The following DPP10 variants were observed in gnomAD, a reference collection of about 807,000 sequenced individuals.
DPP10 encodes dipeptidyl peptidase like 10, also known as inactive dipeptidyl peptidase 10.
In DPP10, 33 loss-of-function variants were observed where a neutral mutation model predicts 120.9. The observed-to-expected ratio is 0.27, with a 90% CI of 0.21 to 0.37. The LOEUF (loss-of-function observed/expected upper bound fraction) is 0.37. Ranked by LOEUF, DPP10 falls within the 10% of genes least tolerant of loss-of-function variation. The pLI is 1.00. For missense variants in DPP10, 816 were observed against 942.8 expected, an observed-to-expected ratio of 0.87 and a Z score of 1.76; for synonymous variants, 337 against 326.1, an observed-to-expected ratio of 1.03 and a Z score of -0.36.
intron 1 of DPP10, among the ~76,000 whole-genome samples, chr2:115,004,515 C>G (rs1016769596): frequency 6.6e-6 from 1 of 152,144 alleles, no homozygotes; most frequent in Non-Finnish European, 1.5e-5. Flanking sequence ...GTGCGTGCAC[C>G]GTGCGCGAGC....
intron 7 of DPP10, among the ~76,000 whole-genome samples, chr2:115,718,273 C>G (rs2092555156): frequency 6.6e-6 from 1 of 151,638 alleles, no homozygotes; most frequent in Non-Finnish European, 1.5e-5. Flanking sequence ...CTGTAGACAA[C>G]CATGAGAAGT....
intron 1 of DPP10, among the ~76,000 whole-genome samples, chr2:115,266,462 G>T (rs1344839333): frequency 6.6e-6 from 1 of 152,092 alleles, no homozygotes; most frequent in Admixed American, 6.6e-5. Flanking sequence ...GAGTTATATT[G>T]AATAGTACTT....
chr2:114,538,192 G>A (rs927337977), intron 1 of DPP10, among the ~76,000 whole-genome samples: 5 of 152,210 alleles, frequency 3.3e-5, no homozygotes, highest in African/African-American at 1.2e-4. Flanking sequence ...AGTATTAGTG[G>A]CCTGGTTCTT....
At chr2:114,502,910 C>A (rs1388571257) in intron 1 of DPP10, among the ~76,000 whole-genome samples, 1 of 152,192 alleles carries the variant, frequency 6.6e-6, no homozygotes, top group East Asian at 1.9e-4. Flanking sequence ...TTTCGGAGTA[C>A]TGTGGAATAG....
intron 1 of DPP10, among the ~76,000 whole-genome samples, chr2:114,902,229 A>G (rs747133557): frequency 1.2e-4 from 18 of 152,198 alleles, no homozygotes; most frequent in Non-Finnish European, 2.2e-4. Context: ...TTTGTTTCCT[A>G]TGCTATTGAA....
At chr2:114,975,181 G>A (rs2104816990) in intron 1 of DPP10, among the ~76,000 whole-genome samples, 1 of 151,950 alleles carries the variant, frequency 6.6e-6, no homozygotes, top group African/African-American at 2.4e-5. Context: ...AAGTAGCTGG[G>A]GCGACAGGCG....
At chr2:114,863,782 G>A (rs542268431) in intron 1 of DPP10, among the ~76,000 whole-genome samples, 2 of 152,298 alleles carry the variant, frequency 1.3e-5, no homozygotes, top group East Asian at 3.9e-4. Context: ...GAAGAAAATA[G>A]TATTTTTATT....
At chr2:115,273,437 C>T (rs911757561) in intron 1 of DPP10, among the ~76,000 whole-genome samples, 16 of 152,056 alleles carry the variant, frequency 1.1e-4, no homozygotes, top group African/African-American at 2.4e-4. Context: ...CCCGGGTTCA[C>T]ACTATTCTCC....
chr2:114,480,422 T>C (rs1360678550), intron 1 of DPP10, among the ~76,000 whole-genome samples: 2 of 151,954 alleles, frequency 1.3e-5, no homozygotes, highest in Non-Finnish European at 2.9e-5. Context: ...TTTATTGTGG[T>C]AGTATTCACA....
chr2:115,434,871 C>T (rs1427198124), intron 3 of DPP10, among the ~76,000 whole-genome samples: 2 of 151,780 alleles, frequency 1.3e-5, no homozygotes, highest in South Asian at 2.1e-4. Flanking sequence ...CACCATTCTA[C>T]CCTCTATCTC....
At chr2:114,778,113 G>T (rs570984938) in intron 1 of DPP10, among the ~76,000 whole-genome samples, 1 of 151,992 alleles carries the variant, frequency 6.6e-6, no homozygotes, top group African/African-American at 2.4e-5. Flanking sequence ...ACTAAGAAGG[G>T]CTATAAATGA....
chr2:115,331,884 CT>C (rs751513004), intron 2 of DPP10, among the ~76,000 whole-genome samples: 1 of 151,870 alleles, frequency 6.6e-6, no homozygotes, highest in South Asian at 2.1e-4. Context: ...CTAAAATTCT[CT>C]TTTTTTTGTT....
At chr2:114,905,633 C>G (rs1242980039) in intron 1 of DPP10, among the ~76,000 whole-genome samples, 1 of 152,124 alleles carries the variant, frequency 6.6e-6, no homozygotes, top group Non-Finnish European at 1.5e-5. Context: ...CTTCTCCCAC[C>G]CTGCACCCTC....
At chr2:115,797,746 C>T (rs2149948668) in intron 19 of DPP10, among the ~76,000 whole-genome samples, 1 of 151,922 alleles carries the variant, frequency 6.6e-6, no homozygotes, top group South Asian at 2.1e-4. Context: ...CTTGTTCTTT[C>T]ACAATTTGTA....
intron 1 of DPP10, among the ~76,000 whole-genome samples, chr2:114,597,422 T>C (rs909776277): frequency 6.6e-6 from 1 of 152,004 alleles, no homozygotes; most frequent in African/African-American, 2.4e-5. Flanking sequence ...TCAGAGTAAA[T>C]ATAGGACATC....
At chr2:115,254,670 C>G (rs994543867) in intron 1 of DPP10, among the ~76,000 whole-genome samples, 2 of 152,170 alleles carry the variant, frequency 1.3e-5, no homozygotes, top group Non-Finnish European at 2.9e-5. Context: ...GGAGTGCAGA[C>G]ATTGGGTAAA....
At chr2:115,802,359 T>G (rs929675539) in intron 19 of DPP10, among the ~76,000 whole-genome samples, 2 of 152,214 alleles carry the variant, frequency 1.3e-5, no homozygotes, top group African/African-American at 4.8e-5. Context: ...CTATCAATTT[T>G]GTTGATCTTT....
At chr2:114,977,542 T>C (rs1230427186) in intron 1 of DPP10, among the ~76,000 whole-genome samples, 2 of 152,120 alleles carry the variant, frequency 1.3e-5, no homozygotes, top group African/African-American at 2.4e-5. Flanking sequence ...TCTTCGAAAC[T>C]GAATGTTTTG....
At chr2:115,428,278 C>T (rs1202919260) in intron 3 of DPP10, among the ~76,000 whole-genome samples, 1 of 152,222 alleles carries the variant, frequency 6.6e-6, no homozygotes, top group Non-Finnish European at 1.5e-5. Flanking sequence ...AATTCCAAAG[C>T]TGTTTCCACA....
Sources: allele counts gnomAD v4.1 joint callset (sites outside exome capture counted in the v4.1 genomes callset), GRCh38; gene constraint gnomAD v4.1.1; transcripts MANE v1.5; gene names NCBI Gene and HGNC (gene_info 2026-07-23, HGNC 2026-07-21).